Variants in ITGA8 observed in about 807,000 individuals in gnomAD.
The protein encoded by ITGA8 is integrin alpha-8.
A neutral mutation model predicts 142.3 loss-of-function variants in ITGA8; 91 were observed. The ratio of observed to expected loss-of-function variants is 0.64; its 90% CI spans 0.54 to 0.76. ITGA8 has a LOEUF of 0.76. Among genes scored for constraint, ITGA8 ranks in the 30% least tolerant of loss-of-function variants. ITGA8 has a pLI of 0.00. For synonymous variants in ITGA8, 505 were observed against 485.2 expected (o/e 1.04, Z -0.54); for missense variants, 1,406 against 1,327.7 (o/e 1.06, Z -0.92).
intron 8 of ITGA8, among the ~76,000 whole-genome samples, chr10:15,666,331 G>A (rs1466639158): frequency 6.6e-6 from 1 of 152,122 alleles, no homozygotes; most frequent in Non-Finnish European, 1.5e-5. Context: ...TCTGTTATTG[G>A]TGTATAAGAA....
At chr10:15,618,446 T>G (rs1306406286) in intron 13 of ITGA8, among the ~76,000 whole-genome samples, 1 of 152,154 alleles carries the variant, frequency 6.6e-6, no homozygotes, top group Admixed American at 6.5e-5. Context: ...GAAAAATGAT[T>G]TACAGCCATA....
At chr10:15,603,556 G>A (rs981233898) in intron 20 of ITGA8, among the ~76,000 whole-genome samples, 2 of 152,162 alleles carry the variant, frequency 1.3e-5, no homozygotes, top group Non-Finnish European at 1.5e-5. Flanking sequence ...AGTGATTAAG[G>A]ACACTGCAGA....
chr10:15,569,520 T>G (rs1334636639), intron 25 of ITGA8, among the ~76,000 whole-genome samples: 1 of 152,220 alleles, frequency 6.6e-6, no homozygotes, highest in Admixed American at 6.5e-5. Flanking sequence ...ATGTTATTTC[T>G]GCTGCCTCCC....
intron 8 of ITGA8, 66 bp downstream of exon 8, chr10:15,671,537 C>T: frequency 7.4e-7 from 1 of 1,347,446 alleles, no homozygotes; most frequent in Non-Finnish European, 1.1e-6. Context: ...ATAGAAAAAA[C>T]TTTATATGCC....
At chr10:15,520,281 C>T (rs540769260) in intron 28 of ITGA8, among the ~76,000 whole-genome samples, 24 of 152,148 alleles carry the variant, frequency 1.6e-4, no homozygotes, top group South Asian at 1.2e-3. Context: ...GGTGTGGTGG[C>T]GCACACCTGT....
chr10:15,640,432 A>G (rs1833850088), intron 13 of ITGA8, among the ~76,000 whole-genome samples: 1 of 152,218 alleles, frequency 6.6e-6, no homozygotes, highest in Non-Finnish European at 1.5e-5. Flanking sequence ...TTGATTTGAA[A>G]AAGCAGGACC....
intron 2 of ITGA8, among the ~76,000 whole-genome samples, chr10:15,689,876 A>G (rs1173289029): frequency 6.6e-6 from 1 of 152,174 alleles, no homozygotes; most frequent in East Asian, 1.9e-4. Flanking sequence ...GTGTGGGCCC[A>G]GCAGAAAAGC....
intron 25 of ITGA8, among the ~76,000 whole-genome samples, chr10:15,566,392 T>C (rs1834080604): frequency 6.6e-6 from 1 of 152,204 alleles, no homozygotes; most frequent in Non-Finnish European, 1.5e-5. Flanking sequence ...TGGTGTTCCA[T>C]AGTCTTAACA....
chr10:15,659,323 T>C (rs112571674), intron 9 of ITGA8, among the ~76,000 whole-genome samples: 1 of 152,320 alleles, frequency 6.6e-6, no homozygotes, highest in South Asian at 2.1e-4. Flanking sequence ...AATTCAAGAA[T>C]ACTGAGAGCA....
intron 13 of ITGA8, among the ~76,000 whole-genome samples, chr10:15,622,570 TA>T (rs1270620053): frequency 8.1e-6 from 1 of 123,660 alleles, no homozygotes; most frequent in Non-Finnish European, 1.7e-5. Flanking sequence ...ACGACTTTTA[TA>T]GCAAACAAAA....
chr10:15,615,578 A>G (rs1356598597), intron 14 of ITGA8, among the ~76,000 whole-genome samples: 3 of 152,160 alleles, frequency 2.0e-5, no homozygotes, highest in African/African-American at 7.2e-5. Flanking sequence ...CAGTGGCACA[A>G]TCTCTGCTCA....
chr10:15,563,915 C>A (rs1181888797), intron 25 of ITGA8, among the ~76,000 whole-genome samples: 1 of 124,116 alleles, frequency 8.1e-6, no homozygotes, highest in Non-Finnish European at 1.7e-5. Context: ...GTGAGGCTGT[C>A]TCCAAAAAAA....
At chr10:15,572,166 A>G (rs1374948846) in intron 25 of ITGA8, 45 bp downstream of exon 25, 13 of 1,477,644 alleles carry the variant, frequency 8.8e-6, no homozygotes, top group South Asian at 1.4e-5. Flanking sequence ...TTTTCATACC[A>G]TAAAAATAAA....
chr10:15,576,036 G>A (rs1396897841), intron 23 of ITGA8, among the ~76,000 whole-genome samples: 2 of 151,494 alleles, frequency 1.3e-5, no homozygotes, highest in Non-Finnish European at 2.9e-5. Flanking sequence ...ATTCTTTTTT[G>A]CAGATAAAAA....
intron 25 of ITGA8, among the ~76,000 whole-genome samples, chr10:15,570,620 A>T (rs1318082460): frequency 6.6e-6 from 1 of 151,178 alleles, no homozygotes; most frequent in African/African-American, 2.4e-5. Flanking sequence ...CAAAAAAAAA[A>T]AAAAAAAAAA....
chr10:15,676,253 G>C (rs902289442), intron 6 of ITGA8, among the ~76,000 whole-genome samples: 3 of 152,184 alleles, frequency 2.0e-5, no homozygotes, highest in African/African-American at 7.2e-5. Context: ...AGGGTTGTTT[G>C]CTTTCCAAGT....
chr10:15,635,003 CTTTTTTTTTTT>C (rs915334219), intron 13 of ITGA8, among the ~76,000 whole-genome samples: 68 of 107,234 alleles, frequency 6.3e-4, no homozygotes, highest in South Asian at 9.7e-4. Context: ...TTCTTTCTTT[CTTTTTTTTTTT>C]TTTTTTTTTT....
At chr10:15,674,525 A>G (rs1834589961) in intron 6 of ITGA8, among the ~76,000 whole-genome samples, 1 of 152,226 alleles carries the variant, frequency 6.6e-6, no homozygotes, top group Non-Finnish European at 1.5e-5. Context: ...TGTTGTGCAA[A>G]ATATATAGTT....
intron 24 of ITGA8, among the ~76,000 whole-genome samples, 168 bp from the exon 25 acceptor site, chr10:15,572,537 C>T (rs9333208): frequency 2.3e-3 from 352 of 152,250 alleles, no homozygotes; most frequent in African/African-American, 8.3e-3. Context: ...GCAAGAAGCA[C>T]TCTGAAAGCA....
Sources: allele counts gnomAD v4.1 joint callset (sites outside exome capture counted in the v4.1 genomes callset), GRCh38; gene constraint gnomAD v4.1.1; transcripts MANE v1.5; gene names NCBI Gene and HGNC (gene_info 2026-07-23, HGNC 2026-07-21).